ACTR3B: variants seen among roughly 807,000 people sequenced by gnomAD.
ACTR3B encodes the protein actin related protein 3B.
ACTR3B carries 8 observed loss-of-function variants against 59.0 expected under a neutral mutation model. The observed-to-expected ratio is 0.14, with a 90% CI of 0.08 to 0.24. The LOEUF (loss-of-function observed/expected upper bound fraction) is 0.24. ACTR3B is among the 10% of genes least tolerant of loss of function. The probability of loss-of-function intolerance (pLI) is 1.00; values close to 1 mark genes in which losing one functional copy is unlikely to be tolerated. For missense variants in ACTR3B, 245 were observed against 552.3 expected, an observed-to-expected ratio of 0.44 and a Z score of 5.58; for synonymous variants, 148 against 197.9, an observed-to-expected ratio of 0.75 and a Z score of 2.12.
intron 1 of ACTR3B, among the ~76,000 whole-genome samples, chr7:152,780,894 A>C (rs577932468): frequency 6.8e-6 from 1 of 146,384 alleles, no homozygotes; most frequent in Non-Finnish European, 1.5e-5. Flanking sequence ...CACCCGGGCT[A>C]CAGGGCAGTG....
At position 152,824,271 on chromosome 7, in the gene ACTR3B, T is replaced by G. The variant is rs879019259; in HGVS notation, c.858+756T>G. ...TGTTCCTCGCTAGTAATCTGAATAA[T>G]AAAATAATAATGATAATCTAGTGAA... On this transcript the variant is annotated intron_variant, in intron 8 of 11. Coordinates refer to ENST00000256001, the MANE Select transcript of ACTR3B (RefSeq NM_020445.6). This position sits in a 1 kb window ranked among gnomAD's most constrained non-coding sequence, Gnocchi z 4.2. Among the ~76,000 whole-genome samples the G allele has an allele frequency of 2.0e-5, 3 of 152,204 alleles. No homozygotes were observed. The highest frequency in any genetic ancestry group is 2.0e-4 in the Admixed American group (3 of 15,276).
intron 2 of ACTR3B, among the ~76,000 whole-genome samples, chr7:152,784,266 G>A (rs1016482194): frequency 2.6e-5 from 4 of 152,192 alleles, no homozygotes; most frequent in African/African-American, 7.2e-5. Flanking sequence ...AGGGGGCCAC[G>A]ATGTTGTAAT....
intron 9 of ACTR3B, among the ~76,000 whole-genome samples, chr7:152,847,528 T>G (rs979222335): frequency 1.3e-5 from 2 of 152,202 alleles, no homozygotes; most frequent in Non-Finnish European, 2.9e-5. Flanking sequence ...CCCACACCCC[T>G]GCCCCCTCCT....
At chr7:152,850,788 G>T (rs1798744361) in intron 9 of ACTR3B, among the ~76,000 whole-genome samples, 1 of 152,112 alleles carries the variant, frequency 6.6e-6, no homozygotes, top group Admixed American at 6.5e-5. Flanking sequence ...CTGATTCCCT[G>T]TGACTTCTGC....
intron 4 of ACTR3B, among the ~76,000 whole-genome samples, chr7:152,804,987 G>T (rs1264924063): frequency 6.6e-6 from 1 of 152,118 alleles, no homozygotes; most frequent in African/African-American, 2.4e-5. Flanking sequence ...TAAGGAGCCC[G>T]GGCAGACATT....
intron 6 of ACTR3B, among the ~76,000 whole-genome samples, chr7:152,819,874 C>A (rs1383425665): frequency 6.6e-6 from 1 of 152,076 alleles, no homozygotes; most frequent in Non-Finnish European, 1.5e-5. Context: ...GTGTATTAAC[C>A]AAATTGCTGA....
chr7:152,821,769 C>A, intron 7 of ACTR3B, among the ~76,000 whole-genome samples: 1 of 152,336 alleles, frequency 6.6e-6, no homozygotes, highest in African/African-American at 2.4e-5. Context: ...TGTGGGGTAG[C>A]CCTGTTAGTT....
At chr7:152,814,149 G>A (rs1226665357) in intron 4 of ACTR3B, 5 of 163,496 alleles carry the variant, frequency 3.1e-5, no homozygotes, top group Non-Finnish European at 5.8e-5. Flanking sequence ...TGCTCCTCTG[G>A]CTCTCCTTTG....
At chr7:152,779,657 T>A (rs1157821020) in intron 1 of ACTR3B, among the ~76,000 whole-genome samples, 5 of 152,212 alleles carry the variant, frequency 3.3e-5, no homozygotes, top group African/African-American at 1.2e-4. Flanking sequence ...GGCATTGAGC[T>A]GTGATGTTAA....
At chr7:152,772,305 G>A (rs2116538810) in intron 1 of ACTR3B, among the ~76,000 whole-genome samples, 1 of 148,242 alleles carries the variant, frequency 6.7e-6, no homozygotes, top group Non-Finnish European at 1.5e-5. Flanking sequence ...GATTGCTTGA[G>A]CCCAGGAGTT....
At chr7:152,831,458 A>G (rs1797024837) in intron 9 of ACTR3B, among the ~76,000 whole-genome samples, 1 of 152,036 alleles carries the variant, frequency 6.6e-6, no homozygotes, top group Non-Finnish European at 1.5e-5. Context: ...CTCGGTGGTG[A>G]TGGCAGTGTC....
chr7:152,846,519 G>GT (rs1798306026), intron 9 of ACTR3B, among the ~76,000 whole-genome samples: 2 of 126,266 alleles, frequency 1.6e-5, no homozygotes, highest in Admixed American at 8.2e-5. Flanking sequence ...GAGCTCTAGT[G>GT]CCGGGCTGTA....
At chr7:152,829,180 A>G (rs1157575831) in intron 9 of ACTR3B, among the ~76,000 whole-genome samples, 1 of 152,088 alleles carries the variant, frequency 6.6e-6, no homozygotes, top group African/African-American at 2.4e-5. Context: ...GAAGACATCC[A>G]TCACCTCACA....
intron 9 of ACTR3B, among the ~76,000 whole-genome samples, chr7:152,837,644 A>G (rs1052417940): frequency 2.0e-5 from 3 of 152,222 alleles, no homozygotes; most frequent in Non-Finnish European, 4.4e-5. Flanking sequence ...ATCTTCCATC[A>G]AGACTCCTGC....
chr7:152,765,667 A>C (rs1439242468), intron 1 of ACTR3B, among the ~76,000 whole-genome samples: 1 of 151,728 alleles, frequency 6.6e-6, no homozygotes, highest in Non-Finnish European at 1.5e-5. Context: ...TTTTGTCCCT[A>C]CCTTGAGATG....
At chr7:152,785,392 G>A (rs1429932948) in intron 2 of ACTR3B, among the ~76,000 whole-genome samples, 1 of 11,638 alleles carries the variant, frequency 8.6e-5, no homozygotes, top group African/African-American at 2.6e-4. Flanking sequence ...GGGGGGGAGG[G>A]GAGGGGGAGG....
intron 4 of ACTR3B, among the ~76,000 whole-genome samples, chr7:152,808,943 A>T (rs548295759): frequency 6.6e-6 from 1 of 152,290 alleles, no homozygotes; most frequent in East Asian, 1.9e-4. Flanking sequence ...AGCTTAAGAG[A>T]GAGATTGTAC....
chr7:152,820,430 A>T lies in ACTR3B; in HGVS notation c.672A>T (p.Ala224=), dbSNP rs1490153396. Residue 224 remains alanine, a synonymous_variant, in exon 7 of 12, where the codon GCA becomes GCT. Transcript: ENST00000256001. ...GIPPEQSLET[A]KAIKEKYCYI... Reference sequence around the variant, plus strand: ...CTCCTGAGCAGTCACTGGAGACCGCAAAAGCCATTAAGGTAAAAACAGATG... The same window carrying T: ...CTCCTGAGCAGTCACTGGAGACCGCTAAAGCCATTAAGGTAAAAACAGATG... 5.0e-6 allele frequency: 8 copies of T among 1,603,902 alleles called. No homozygotes were observed. The highest frequency in any genetic ancestry group is 6.8e-6 in the Non-Finnish European group (8 of 1,173,324).
At chr7:152,810,965 T>C (rs918535748) in intron 4 of ACTR3B, 4 of 152,196 alleles carry the variant, frequency 2.6e-5, no homozygotes, top group African/African-American at 9.7e-5. Context: ...TTTAAAAATG[T>C]ATACGGAATG....
Sources: allele counts gnomAD v4.1 joint callset (sites outside exome capture counted in the v4.1 genomes callset), GRCh38; gene constraint gnomAD v4.1.1; non-coding constraint Gnocchi (gnomAD v3.1); transcripts MANE v1.5; gene names NCBI Gene and HGNC (gene_info 2026-07-23, HGNC 2026-07-21).